ATG7: variants seen among roughly 807,000 people sequenced by gnomAD.
The protein encoded by ATG7 is ubiquitin-like modifier-activating enzyme ATG7.
In ATG7, 70 loss-of-function variants were observed where a neutral mutation model predicts 82.4. The observed-to-expected ratio is 0.85, with a 90% CI of 0.70 to 1.04. The LOEUF (loss-of-function observed/expected upper bound fraction) is 1.04, where lower values mean the gene tolerates loss of function less well. ATG7 is among the 50% of genes least tolerant of loss of function. The pLI is 0.00. For synonymous variants in ATG7, 287 were observed against 313.0 expected (o/e 0.92, Z 0.88); for missense variants, 792 against 864.3 (o/e 0.92, Z 1.05).
At chr3:11,319,853 A>G (rs1475055726) in intron 9 of ATG7, among the ~76,000 whole-genome samples, 3 of 152,166 alleles carry the variant, frequency 2.0e-5, no homozygotes, top group Admixed American at 1.3e-4. Flanking sequence ...AATCTCTGCT[A>G]TACTGCAGCA....
chr3:11,463,429 A>G (rs2086535106), intron 20 of ATG7, among the ~76,000 whole-genome samples: 1 of 152,240 alleles, frequency 6.6e-6, no homozygotes, highest in African/African-American at 2.4e-5. Flanking sequence ...CAATTGGTTC[A>G]GTACTTTGTA....
Position 11,306,544 on chromosome 3 carries a change from CTAT to C in ATG7, c.216-392_216-390del, listed in dbSNP as rs751015903. 1.5e-3 allele frequency among the ~76,000 whole-genome samples: 221 copies of C among 152,216 alleles called. 2 individuals carry two copies. Among genetic ancestry groups the C allele is most frequent in the Non-Finnish European group, 5.7e-4 (39 of 68,034 alleles). On this transcript the variant is annotated intron_variant, in intron 5 of 20. Transcript: ENST00000693202. ...TTCTGGTTTTAGATTCAAGCTCTGC[CTAT>C]TATTATGTGACCTTAGGCAAGTTGC...
intron 20 of ATG7, among the ~76,000 whole-genome samples, chr3:11,536,417 C>A (rs1056958987): frequency 1.3e-5 from 2 of 152,204 alleles, no homozygotes; most frequent in African/African-American, 4.8e-5. Context: ...GCGCCCTGTT[C>A]CCACAGCAGG....
rs146820893 is a variant in ATG7, at chr3:11,443,625, G to A, written c.2079+16699G>A. ...TGGTCTTGAACTCCTGGGCTCAAATGATCCACCTGCCTCAGCCTCCCAAAG... is the reference window on the plus strand; with the variant it reads ...TGGTCTTGAACTCCTGGGCTCAAATAATCCACCTGCCTCAGCCTCCCAAAG... On this transcript the variant is annotated intron_variant, in intron 20 of 20. Coordinates refer to ENST00000693202, the MANE Select transcript of ATG7 (RefSeq NM_001349232.2). Among the ~76,000 whole-genome samples the A allele has an allele frequency of 4.8e-3, 734 of 152,270 alleles. 6 individuals carry two copies. The highest frequency in any genetic ancestry group is 0.017 in the African/African-American group (703 of 41,556).
chr3:11,460,308 C>A (rs2152997420), intron 20 of ATG7, among the ~76,000 whole-genome samples: 1 of 152,340 alleles, frequency 6.6e-6, no homozygotes, highest in Admixed American at 6.5e-5. Flanking sequence ...GGTATCTTAT[C>A]TACCTTTGGG....
At chr3:11,491,353 T>A (rs1285582094) in intron 20 of ATG7, among the ~76,000 whole-genome samples, 1 of 152,186 alleles carries the variant, frequency 6.6e-6, no homozygotes, top group Non-Finnish European at 1.5e-5. Flanking sequence ...CTGTATTGGT[T>A]ATTCTAGTTA....
At chr3:11,320,248 T>C (rs1950036334) in intron 9 of ATG7, among the ~76,000 whole-genome samples, 1 of 151,720 alleles carries the variant, frequency 6.6e-6, no homozygotes, top group African/African-American at 2.4e-5. Context: ...AAAGGTTTAT[T>C]CCTTCTGTTG....
intron 19 of ATG7, among the ~76,000 whole-genome samples, chr3:11,414,528 A>G (rs1482423883): frequency 6.6e-6 from 1 of 152,034 alleles, no homozygotes; most frequent in Non-Finnish European, 1.5e-5. Context: ...CAATCAGAAT[A>G]CCCTTTATTT....
intron 20 of ATG7, among the ~76,000 whole-genome samples, chr3:11,464,752 C>T (rs767564003): frequency 1.2e-4 from 18 of 152,142 alleles, no homozygotes; most frequent in East Asian, 1.9e-4. Context: ...CTTTTATTGC[C>T]GAATAGGTTC....
chr3:11,351,091 T>TA (rs574704019), intron 14 of ATG7, among the ~76,000 whole-genome samples: 128 of 152,226 alleles, frequency 8.4e-4, no homozygotes, highest in Non-Finnish European at 1.4e-3. Flanking sequence ...AGTGACCCAA[T>TA]ACAATTCCCC....
chr3:11,512,448 T>C (rs2092106828), intron 20 of ATG7, among the ~76,000 whole-genome samples: 1 of 152,228 alleles, frequency 6.6e-6, no homozygotes, highest in Non-Finnish European at 1.5e-5. Flanking sequence ...ACAGGATTAA[T>C]GTTCCATCTC....
At chr3:11,273,014 C>A (rs1230722024) in intron 1 of ATG7, among the ~76,000 whole-genome samples, 1 of 152,188 alleles carries the variant, frequency 6.6e-6, no homozygotes, top group Non-Finnish European at 1.5e-5. Flanking sequence ...AGTCAAACTT[C>A]TAATTTTATA....
chr3:11,543,210 C>T lies in ATG7; in HGVS notation c.2080-11601C>T, dbSNP rs2070981166. 3.3e-5 allele frequency among the ~76,000 whole-genome samples: 5 copies of T among 152,342 alleles called. 1 individual carries two copies. In the South Asian group the frequency reaches 1.0e-3, roughly 32 times the overall value. On this transcript the variant is annotated intron_variant, in intron 20 of 20. Coordinates refer to ENST00000693202, the MANE Select transcript of ATG7 (RefSeq NM_001349232.2). Reference sequence around the variant, plus strand: ...GTGTAAGTCACGCTTTACATCTTACCAGCCGCCTTGGCCATGACTGTCTTT... The same window carrying T: ...GTGTAAGTCACGCTTTACATCTTACTAGCCGCCTTGGCCATGACTGTCTTT...
intron 3 of ATG7, among the ~76,000 whole-genome samples, chr3:11,297,985 A>C (rs1332133410): frequency 6.6e-6 from 1 of 152,140 alleles, no homozygotes; most frequent in Non-Finnish European, 1.5e-5. Context: ...TAGAAAAATC[A>C]CTGTGTCATC....
chr3:11,446,436 T>C, intron 20 of ATG7: 1 of 391,152 alleles, frequency 2.6e-6, no homozygotes, highest in East Asian at 8.3e-5. Flanking sequence ...AGGAGGAGAC[T>C]CCTTAATTTA....
chr3:11,518,906 AG>A (rs2092358249), intron 20 of ATG7, among the ~76,000 whole-genome samples: 1 of 152,244 alleles, frequency 6.6e-6, no homozygotes, highest in Non-Finnish European at 1.5e-5. Context: ...TGGTAAATGA[AG>A]GAAAAAGACC....
intron 20 of ATG7, among the ~76,000 whole-genome samples, chr3:11,482,825 A>G: frequency 6.6e-6 from 1 of 151,366 alleles, no homozygotes. Flanking sequence ...TCATTTGTAT[A>G]CAATTAAGTG....
intron 18 of ATG7, among the ~76,000 whole-genome samples, chr3:11,370,249 G>T (rs2076903199): frequency 6.6e-6 from 1 of 151,168 alleles, no homozygotes; most frequent in Non-Finnish European, 1.5e-5. Flanking sequence ...AGAGGGAGTG[G>T]TTGGGAAGAT....
At chr3:11,431,866 A>G (rs185460284) in intron 20 of ATG7, among the ~76,000 whole-genome samples, 6 of 152,336 alleles carry the variant, frequency 3.9e-5, no homozygotes, top group Admixed American at 3.3e-4. Flanking sequence ...TTATATAGAA[A>G]GGGGCACATA....
Sources: allele counts gnomAD v4.1 joint callset (sites outside exome capture counted in the v4.1 genomes callset), GRCh38; gene constraint gnomAD v4.1.1; transcripts MANE v1.5; gene names NCBI Gene and HGNC (gene_info 2026-07-23, HGNC 2026-07-21).